SYNDIG1: variants seen among roughly 807,000 people sequenced by gnomAD.
SYNDIG1 encodes the protein synapse differentiation-inducing gene protein 1.
In SYNDIG1, 9 loss-of-function variants were observed where a neutral mutation model predicts 19.4. The ratio of observed to expected loss-of-function variants is 0.46; its 90% confidence interval spans 0.28 to 0.81. SYNDIG1 has a LOEUF of 0.81. SYNDIG1 is among the 30% of genes least tolerant of loss of function. The pLI is 0.12. For missense variants in SYNDIG1, 311 were observed against 343.3 expected (o/e 0.91, Z 0.74); for synonymous variants, 141 against 145.9 (o/e 0.97, Z 0.24).
intron 2 of SYNDIG1, among the ~76,000 whole-genome samples, chr20:24,553,230 G>A (rs1205527280): frequency 6.6e-6 from 1 of 152,012 alleles, no homozygotes; most frequent in Non-Finnish European, 1.5e-5. Flanking sequence ...AGATGAGCAG[G>A]TTGCGAAAAT....
At chr20:24,626,936 C>A (rs964777061) in intron 3 of SYNDIG1, among the ~76,000 whole-genome samples, 1 of 152,172 alleles carries the variant, frequency 6.6e-6, no homozygotes, top group Non-Finnish European at 1.5e-5. Context: ...ACCAGTCAGG[C>A]GTGGCGGCGC....
chr20:24,577,599 G>A (rs751794342), intron 2 of SYNDIG1, among the ~76,000 whole-genome samples: 7 of 152,210 alleles, frequency 4.6e-5, no homozygotes, highest in African/African-American at 7.2e-5. Flanking sequence ...AGGGTATCTC[G>A]CTCCAGGCTG....
intron 1 of SYNDIG1, among the ~76,000 whole-genome samples, chr20:24,536,144 C>G (rs2057357453): frequency 6.6e-6 from 1 of 152,190 alleles, no homozygotes; most frequent in Admixed American, 6.5e-5. Context: ...TGACTTGTCC[C>G]CAGCAGAACC....
chr20:24,611,620 G>T (rs1488624215), intron 3 of SYNDIG1, among the ~76,000 whole-genome samples: 1 of 151,768 alleles, frequency 6.6e-6, no homozygotes, highest in Non-Finnish European at 1.5e-5. Flanking sequence ...ACCTTTCATG[G>T]CCTCTCCTCC....
chr20:24,513,412 G>C (rs2056792316), intron 1 of SYNDIG1, among the ~76,000 whole-genome samples: 1 of 152,154 alleles, frequency 6.6e-6, no homozygotes, highest in African/African-American at 2.4e-5. Context: ...AGAATAACCA[G>C]TGTAGAGAAG....
Position 24,549,094 on chromosome 20 carries a change from T to A in SYNDIG1, c.480+5517T>A, listed in dbSNP as rs143725743. ...GAGCATTCAATAACCTCCTCTTAGCTATTTGAAACTGCATAATATATTATT... is the reference window on the plus strand; with the variant it reads ...GAGCATTCAATAACCTCCTCTTAGCAATTTGAAACTGCATAATATATTATT... On this transcript the variant is annotated intron_variant, in intron 2 of 3. Transcript: ENST00000376862. Among the ~76,000 whole-genome samples, 293 of 152,282 alleles carry A rather than the reference T, an allele frequency of 1.9e-3. 2 individuals are homozygous for A. Among genetic ancestry groups the A allele is most frequent in the African/African-American group, 6.5e-3 (269 of 41,568 alleles).
intron 2 of SYNDIG1, among the ~76,000 whole-genome samples, chr20:24,572,531 C>T (rs1010907023): frequency 2.0e-5 from 3 of 152,192 alleles, no homozygotes; most frequent in African/African-American, 7.2e-5. Context: ...AGCGACTGGT[C>T]AGGTGGGAGA....
At chr20:24,662,335 C>T (rs1198479257) in intron 3 of SYNDIG1, among the ~76,000 whole-genome samples, 1 of 152,076 alleles carries the variant, frequency 6.6e-6, no homozygotes, top group Non-Finnish European at 1.5e-5. Context: ...GGGTCTTCTA[C>T]ATATCTTTGC....
At chr20:24,480,871 A>G (rs1214384639) in intron 1 of SYNDIG1, among the ~76,000 whole-genome samples, 2 of 152,230 alleles carry the variant, frequency 1.3e-5, no homozygotes, top group Admixed American at 6.5e-5. Flanking sequence ...AATAAGCCAG[A>G]GACAAAAAGG....
chr20:24,598,077 T>C (rs1403651091), intron 3 of SYNDIG1, among the ~76,000 whole-genome samples: 1 of 152,224 alleles, frequency 6.6e-6, no homozygotes, highest in African/African-American at 2.4e-5. Flanking sequence ...AGCCTTGTTT[T>C]GAGTGCAGTA....
At chr20:24,614,127 T>A (rs1298607720) in intron 3 of SYNDIG1, among the ~76,000 whole-genome samples, 1 of 152,208 alleles carries the variant, frequency 6.6e-6, no homozygotes, top group African/African-American at 2.4e-5. Flanking sequence ...CCCAAGTAGC[T>A]GGGACTATAG....
chr20:24,576,526 G>A (rs1031812836), intron 2 of SYNDIG1, among the ~76,000 whole-genome samples: 3 of 152,212 alleles, frequency 2.0e-5, no homozygotes, highest in African/African-American at 7.2e-5. Flanking sequence ...CCTGGAAGGG[G>A]CTGGGTCAAG....
At chr20:24,625,217 A>G (rs1382101502) in intron 3 of SYNDIG1, among the ~76,000 whole-genome samples, 1 of 152,196 alleles carries the variant, frequency 6.6e-6, no homozygotes, top group Non-Finnish European at 1.5e-5. Flanking sequence ...GGAAAAATGT[A>G]GAGAAAAACA....
chr20:24,615,011 G>A (rs540877706), intron 3 of SYNDIG1, among the ~76,000 whole-genome samples: 1 of 152,210 alleles, frequency 6.6e-6, no homozygotes, highest in Non-Finnish European at 1.5e-5. Context: ...TGTTTCAAAG[G>A]AGTTCTTTCA....
intron 2 of SYNDIG1, among the ~76,000 whole-genome samples, chr20:24,546,037 A>G (rs1011189038): frequency 3.9e-5 from 6 of 152,182 alleles, no homozygotes; most frequent in African/African-American, 1.4e-4. Flanking sequence ...GAGCAGAAGG[A>G]ATGGAGACAC....
At chr20:24,473,114 A>T (rs777912142) in intron 1 of SYNDIG1, among the ~76,000 whole-genome samples, 1 of 151,476 alleles carries the variant, frequency 6.6e-6, no homozygotes, top group Non-Finnish European at 1.5e-5. Flanking sequence ...TCACATTATC[A>T]GCAAAATTCT....
At chr20:24,504,901 G>A (rs958182994) in intron 1 of SYNDIG1, among the ~76,000 whole-genome samples, 3 of 152,224 alleles carry the variant, frequency 2.0e-5, no homozygotes, top group African/African-American at 7.2e-5. Flanking sequence ...AGCCCAGTAA[G>A]GATGTGGGGA....
rs543448838 is a variant in SYNDIG1 at position 24,557,410 on chromosome 20, T to C, written c.480+13833T>C. Among the ~76,000 whole-genome samples the C allele has an allele frequency of 2.2e-4, 34 of 152,290 alleles. 1 individual carries two copies. In the South Asian group the frequency reaches 6.8e-3, roughly 31 times the overall value. ...TTTTTAGAGTTTCCAGTCTTTCTGC[T>C]CTGTTTTTTTCCCATCTTTGTGGTT... On this transcript the variant is annotated intron_variant, in intron 2 of 3. Coordinates refer to ENST00000376862, the MANE Select transcript of SYNDIG1 (RefSeq NM_024893.3).
intron 3 of SYNDIG1, among the ~76,000 whole-genome samples, chr20:24,656,717 G>A (rs370663353): frequency 3.9e-5 from 6 of 152,238 alleles, no homozygotes; most frequent in Non-Finnish European, 7.3e-5. Context: ...CTGCGTGCTC[G>A]CACTTGAGCA....
Sources: allele counts gnomAD v4.1 joint callset (sites outside exome capture counted in the v4.1 genomes callset), GRCh38; gene constraint gnomAD v4.1.1; transcripts MANE v1.5; gene names NCBI Gene and HGNC (gene_info 2026-07-23, HGNC 2026-07-21).